Variants in CARMIL1 observed in about 807,000 individuals in gnomAD.
The protein encoded by CARMIL1 is capping protein regulator and myosin 1 linker 1.
CARMIL1 carries 90 observed loss-of-function variants against 177.1 expected under a neutral mutation model. The observed-to-expected ratio is 0.51, with a 90% CI of 0.43 to 0.61. The LOEUF is 0.61. Ranked by LOEUF, CARMIL1 falls within the 20% of genes least tolerant of loss-of-function variation. The pLI is 0.00. For missense variants in CARMIL1, 1,380 were observed against 1,667.0 expected (o/e 0.83, Z 3.00); for synonymous variants, 577 against 606.2 (o/e 0.95, Z 0.71).
At chr6:25,295,216 A>G (rs907456372) in intron 2 of CARMIL1, among the ~76,000 whole-genome samples, 21 of 151,926 alleles carry the variant, frequency 1.4e-4, no homozygotes, top group African/African-American at 3.9e-4. Flanking sequence ...TAACTTACAT[A>G]AAATATATGA....
Position 25,336,078 on chromosome 6 carries a change from C to A in CARMIL1, c.138+51169C>A, listed in dbSNP as rs527280954. ...GCTTCCTAGTTCATCCCCCTTCCAC[C>A]CATCTTCCATATTTCCAGGAGAAAA... On this transcript the variant is annotated intron_variant, in intron 2 of 36. Transcript: ENST00000329474. Among the ~76,000 whole-genome samples, 16 of 152,202 alleles carry A rather than the reference C, an allele frequency of 1.1e-4. No homozygotes were observed. In the East Asian group the frequency reaches 3.1e-3, roughly 29 times the overall value.
At chr6:25,551,935 A>G (rs1387377342) in intron 27 of CARMIL1, among the ~76,000 whole-genome samples, 8 of 152,176 alleles carry the variant, frequency 5.3e-5, no homozygotes, top group Non-Finnish European at 7.4e-5. Flanking sequence ...ATGAGCCCCA[A>G]ATTATATTAT....
At chr6:25,281,118 A>AGG (rs1781058267) in intron 1 of CARMIL1, among the ~76,000 whole-genome samples, 2 of 80,650 alleles carry the variant, frequency 2.5e-5, no homozygotes, top group Non-Finnish European at 5.7e-5. Context: ...TCACAGACGC[A>AGG]CGCGCGTGTG....
rs906053028 is a variant in CARMIL1, at chr6:25,553,936, A to G, written c.2505-73A>G. 4.2e-5 allele frequency: 38 copies of G among 910,466 alleles called. 1 individual carries two copies. The highest frequency in any genetic ancestry group is 6.3e-5 in the Non-Finnish European group (36 of 567,982). The allele number at this position is 910,466 out of a possible 1,614,324, so 56.4% of individuals were successfully genotyped here. A position where few individuals can be genotyped will look rare whatever the true frequency, so the allele number is the denominator to read the frequency against. On this transcript the variant is annotated intron_variant, in intron 27 of 36. Coordinates refer to ENST00000329474, the MANE Select transcript of CARMIL1 (RefSeq NM_017640.6). ...GAATCACAGTTGACCTTATCACTAT[A>G]GCAGCAAGGGTGGATCATTTTCCCC...
intron 9 of CARMIL1, among the ~76,000 whole-genome samples, chr6:25,466,162 C>T (rs536849684): frequency 2.0e-5 from 3 of 152,204 alleles, no homozygotes; most frequent in South Asian, 2.1e-4. Flanking sequence ...TCAGCTGTTT[C>T]GGGCAATTTA....
intron 2 of CARMIL1, among the ~76,000 whole-genome samples, chr6:25,311,178 G>A (rs1028681194): frequency 1.3e-5 from 2 of 152,092 alleles, no homozygotes; most frequent in African/African-American, 4.8e-5. Flanking sequence ...CAAGACTCTT[G>A]TCTCAAAACA....
chr6:25,337,614 T>C (rs1394826622), intron 2 of CARMIL1, among the ~76,000 whole-genome samples: 2 of 152,208 alleles, frequency 1.3e-5, no homozygotes, highest in Non-Finnish European at 2.9e-5. Context: ...TGAAAGGTGC[T>C]ATAGAGAAAA....
intron 2 of CARMIL1, among the ~76,000 whole-genome samples, chr6:25,415,038 G>A (rs1478288769): frequency 6.6e-6 from 1 of 152,122 alleles, no homozygotes; most frequent in Non-Finnish European, 1.5e-5. Flanking sequence ...TATTATTGCT[G>A]GGGTGAAGGT....
At chr6:25,367,647 C>T (rs1235710582) in intron 2 of CARMIL1, among the ~76,000 whole-genome samples, 1 of 152,110 alleles carries the variant, frequency 6.6e-6, no homozygotes, top group South Asian at 2.1e-4. Flanking sequence ...AATATTAATG[C>T]AGTAAGGAAG....
chr6:25,380,730 A>G (rs1426582816), intron 2 of CARMIL1, among the ~76,000 whole-genome samples: 2 of 152,152 alleles, frequency 1.3e-5, no homozygotes, highest in East Asian at 1.9e-4. Flanking sequence ...TTAATCAACC[A>G]TTTATTGTTT....
At chr6:25,590,799 C>T (rs527657707) in intron 31 of CARMIL1, among the ~76,000 whole-genome samples, 40 of 152,144 alleles carry the variant, frequency 2.6e-4, no homozygotes, top group African/African-American at 9.6e-4. Context: ...ATTTCTTATA[C>T]TGATAGCTTT....
intron 5 of CARMIL1, among the ~76,000 whole-genome samples, chr6:25,440,845 C>T (rs1797681251): frequency 2.6e-5 from 4 of 151,928 alleles, no homozygotes. Flanking sequence ...CTGAGCCTGT[C>T]TTGGGGGTCC....
intron 4 of CARMIL1, among the ~76,000 whole-genome samples, chr6:25,428,528 A>G (rs1796465699): frequency 6.6e-6 from 1 of 152,174 alleles, no homozygotes. Flanking sequence ...GCAATTCCGT[A>G]TGAATTTTAG....
At chr6:25,501,402 G>A (rs1421437232) in intron 17 of CARMIL1, among the ~76,000 whole-genome samples, 1 of 152,150 alleles carries the variant, frequency 6.6e-6, no homozygotes, top group Non-Finnish European at 1.5e-5. Flanking sequence ...GGATGAATTG[G>A]TTAATATCAC....
chr6:25,470,357 A>AGT (rs1431287572), intron 9 of CARMIL1, among the ~76,000 whole-genome samples: 2 of 152,248 alleles, frequency 1.3e-5, no homozygotes, highest in African/African-American at 4.8e-5. Context: ...GGCTTAACTC[A>AGT]GTGCCTGGCA....
chr6:25,279,878 A>G (rs1458867993), intron 1 of CARMIL1, 43 bp downstream of exon 1: 2 of 1,603,412 alleles, frequency 1.2e-6, no homozygotes. Flanking sequence ...TCCTCTGCGT[A>G]CTCCTCACCT....
At chr6:25,526,407 T>C (rs951083159) in intron 23 of CARMIL1, among the ~76,000 whole-genome samples, 8 of 124,148 alleles carry the variant, frequency 6.4e-5, no homozygotes, top group African/African-American at 2.3e-4. Context: ...AAATTTGTGC[T>C]TTGTTAATAA....
chr6:25,477,278 C>G (rs2150957501), intron 11 of CARMIL1, among the ~76,000 whole-genome samples: 1 of 152,172 alleles, frequency 6.6e-6, no homozygotes, highest in South Asian at 2.1e-4. Context: ...GTTGATGCAG[C>G]AAATCTCTGT....
intron 2 of CARMIL1, among the ~76,000 whole-genome samples, chr6:25,306,253 A>T (rs1783250983): frequency 6.6e-6 from 1 of 152,190 alleles, no homozygotes; most frequent in East Asian, 1.9e-4. Context: ...GGCTGCGGAT[A>T]GGTACTGTTC....
Sources: allele counts gnomAD v4.1 joint callset (sites outside exome capture counted in the v4.1 genomes callset), GRCh38; gene constraint gnomAD v4.1.1; transcripts MANE v1.5; gene names NCBI Gene and HGNC (gene_info 2026-07-23, HGNC 2026-07-21).